FNIP1: variants seen among roughly 807,000 people sequenced by gnomAD.
The protein encoded by FNIP1 is folliculin interacting protein 1, also known as folliculin-interacting protein 1.
A neutral mutation model predicts 124.5 loss-of-function variants in FNIP1; 40 were observed. The observed-to-expected ratio is 0.32, with a 90% CI of 0.25 to 0.42. The LOEUF is 0.42. Ranked by LOEUF, FNIP1 falls within the 10% of genes least tolerant of loss-of-function variation. FNIP1 has a pLI of 1.00. For synonymous variants in FNIP1, 472 were observed against 470.6 expected, an observed-to-expected ratio of 1.00 and a Z score of -0.04; for missense variants, 1,176 against 1,403.7, an observed-to-expected ratio of 0.84 and a Z score of 2.59.
At chr5:131,680,759 T>C (rs1768053349) in intron 11 of FNIP1, among the ~76,000 whole-genome samples, 2 of 152,086 alleles carry the variant, frequency 1.3e-5, no homozygotes, top group East Asian at 1.9e-4. Flanking sequence ...GTCTCTATTA[T>C]TTAAAAAATA....
intron 2 of FNIP1, among the ~76,000 whole-genome samples, chr5:131,742,243 C>T (rs964814896): frequency 1.3e-5 from 2 of 152,176 alleles, no homozygotes; most frequent in African/African-American, 4.8e-5. Context: ...GCAGGCGGTT[C>T]GCTTGAGCCC....
At chr5:131,739,308 C>G (rs1198411270) in intron 2 of FNIP1, among the ~76,000 whole-genome samples, 4 of 152,060 alleles carry the variant, frequency 2.6e-5, no homozygotes, top group Non-Finnish European at 5.9e-5. Flanking sequence ...TGAGACCAGC[C>G]TGGATAAAAC....
chr5:131,741,823 T>A (rs1340397681), intron 2 of FNIP1, among the ~76,000 whole-genome samples: 1 of 152,210 alleles, frequency 6.6e-6, no homozygotes, highest in East Asian at 1.9e-4. Context: ...TTTAATTAAA[T>A]ACACTCAAAC....
At chr5:131,762,964 A>G (rs1044033646) in intron 1 of FNIP1, among the ~76,000 whole-genome samples, 2 of 152,220 alleles carry the variant, frequency 1.3e-5, no homozygotes, top group African/African-American at 4.8e-5. Context: ...GGAGCTAAAA[A>G]TTAAAACAAC....
intron 2 of FNIP1, among the ~76,000 whole-genome samples, chr5:131,735,793 C>T (rs1486644164): frequency 1.3e-5 from 2 of 151,124 alleles, no homozygotes; most frequent in African/African-American, 4.9e-5. Context: ...CCCTACCTAA[C>T]AACACTTAAG....
At chr5:131,760,619 G>T (rs1771195040) in intron 1 of FNIP1, among the ~76,000 whole-genome samples, 1 of 152,012 alleles carries the variant, frequency 6.6e-6, no homozygotes, top group South Asian at 2.1e-4. Flanking sequence ...GTAATTATCT[G>T]TACAGTGCCT....
intron 9 of FNIP1, among the ~76,000 whole-genome samples, chr5:131,704,860 A>T (rs1769032278): frequency 6.6e-6 from 1 of 152,180 alleles, no homozygotes; most frequent in African/African-American, 2.4e-5. Context: ...GGCATCATGC[A>T]TCATGACACT....
intron 1 of FNIP1, among the ~76,000 whole-genome samples, chr5:131,759,526 C>A (rs1047462721): frequency 3.9e-5 from 6 of 152,062 alleles, no homozygotes; most frequent in African/African-American, 1.4e-4. Context: ...CAGATAGAGA[C>A]AAATCAAAAC....
At chr5:131,775,459 G>GT (rs1281891775) in intron 1 of FNIP1, among the ~76,000 whole-genome samples, 2 of 53,672 alleles carry the variant, frequency 3.7e-5, no homozygotes, top group African/African-American at 1.6e-4. Flanking sequence ...AATAAAATAT[G>GT]TATCATCTAA....
intron 9 of FNIP1, among the ~76,000 whole-genome samples, chr5:131,704,605 G>C (rs1769016788): frequency 6.6e-6 from 1 of 152,046 alleles, no homozygotes; most frequent in South Asian, 2.1e-4. Context: ...CCTGTTCTAG[G>C]CCCTTCTGGT....
intron 1 of FNIP1, among the ~76,000 whole-genome samples, chr5:131,776,424 A>G (rs1771808057): frequency 6.6e-6 from 1 of 152,270 alleles, no homozygotes; most frequent in Non-Finnish European, 1.5e-5. Flanking sequence ...ACCGAAAGAC[A>G]TATATAAAAA....
chr5:131,748,488 T>C (rs76211766), intron 1 of FNIP1, among the ~76,000 whole-genome samples: 2 of 152,132 alleles, frequency 1.3e-5, no homozygotes, highest in African/African-American at 4.8e-5. Context: ...GGTCAGGAGA[T>C]TGAGACCATC....
chr5:131,796,631 G>A, intron 1 of FNIP1, 199 bp downstream of exon 1: 1 of 574,564 alleles, frequency 1.7e-6, no homozygotes, highest in African/African-American at 2.0e-5. Flanking sequence ...ACGGCGAGGC[G>A]GGTGGGGTAA....
intron 13 of FNIP1, 142 bp from the exon 14 acceptor site, chr5:131,673,066 G>A: frequency 1.0e-5 from 5 of 500,118 alleles, no homozygotes; most frequent in Non-Finnish European, 1.6e-5. Flanking sequence ...TTTTTTTTTT[G>A]AGACAGGGTC....
At chr5:131,648,128 G>A (rs1445711407) in intron 16 of FNIP1, among the ~76,000 whole-genome samples, 4 of 140,954 alleles carry the variant, frequency 2.8e-5, no homozygotes, top group Non-Finnish European at 6.0e-5. Context: ...CCAGGAGTTC[G>A]AGATCAGCCT....
At chr5:131,748,036 G>A (rs529790183) in intron 1 of FNIP1, among the ~76,000 whole-genome samples, 34 of 152,044 alleles carry the variant, frequency 2.2e-4, no homozygotes, top group African/African-American at 7.7e-4. Context: ...AGGTGCGGAG[G>A]GAATCCATAT....
chr5:131,680,957 C>A (rs1768058738), intron 11 of FNIP1, among the ~76,000 whole-genome samples: 1 of 152,034 alleles, frequency 6.6e-6, no homozygotes, highest in South Asian at 2.1e-4. Context: ...CCCACTAAAG[C>A]AAGATGAGGC....
rs1413946168 is a variant in FNIP1, at chr5:131,719,026, T to C, written c.490A>G (p.Thr164Ala). The C allele has an allele frequency of 6.2e-7, 1 of 1,613,592 alleles. No homozygotes were observed. Among genetic ancestry groups the C allele is most frequent in the African/African-American group, 1.3e-5 (1 of 75,006 alleles). The change falls in exon 5 of 18, where the codon ACT becomes GCT. Residue 164 changes from threonine to alanine, a missense_variant. By Grantham distance (58) the Thr-to-Ala change is moderately conservative (BLOSUM62 0). This residue lies in a region of FNIP1 where 1,109 missense variants were observed against 1,288.5 expected (regional missense o/e 0.86). Coordinates refer to ENST00000510461, the MANE Select transcript of FNIP1 (RefSeq NM_133372.3). ...CAAATACTGCTGCCAGTCCGAGCAG[T>C]AAACACTTTGCTGAGCATGAGCTGT... ...PPQLMLSKVF[T>A]ARTGSSICGS...
At chr5:131,745,613 ATGTGTG>A (rs1405982926) in intron 1 of FNIP1, among the ~76,000 whole-genome samples, 1 of 152,134 alleles carries the variant, frequency 6.6e-6, no homozygotes, top group Non-Finnish European at 1.5e-5. Flanking sequence ...GTGTATATAT[ATGTGTG>A]TGTATACATA....
Sources: allele counts gnomAD v4.1 joint callset (sites outside exome capture counted in the v4.1 genomes callset), GRCh38; gene constraint gnomAD v4.1.1; regional missense constraint gnomAD v4.1.1; transcripts MANE v1.5; gene names NCBI Gene and HGNC (gene_info 2026-07-23, HGNC 2026-07-21).